The following ARHGAP15 variants were observed in gnomAD, a reference collection of about 807,000 sequenced individuals.
ARHGAP15 encodes Rho GTPase activating protein 15, also known as rho GTPase-activating protein 15.
A neutral mutation model predicts 63.7 loss-of-function variants in ARHGAP15; 51 were observed. The ratio of observed to expected loss-of-function variants is 0.80; its 90% CI spans 0.64 to 1.01. The LOEUF (loss-of-function observed/expected upper bound fraction) is 1.01, where lower values mean the gene tolerates loss of function less well. Ranked by LOEUF, ARHGAP15 falls within the 50% of genes least tolerant of loss-of-function variation. The probability of loss-of-function intolerance (pLI) is 0.00; values close to 1 mark genes in which losing one functional copy is unlikely to be tolerated. For synonymous variants in ARHGAP15, 191 were observed against 193.8 expected (o/e 0.99, Z 0.12); for missense variants, 560 against 564.6 (o/e 0.99, Z 0.08).
At chr2:143,211,294 A>G (rs958119460) in intron 3 of ARHGAP15, among the ~76,000 whole-genome samples, 2 of 146,248 alleles carry the variant, frequency 1.4e-5, no homozygotes, top group African/African-American at 5.0e-5. Flanking sequence ...AGAAAAAAGA[A>G]AGACAGATAA....
At chr2:143,498,902 A>G (rs1394911134) in intron 9 of ARHGAP15, among the ~76,000 whole-genome samples, 1 of 152,194 alleles carries the variant, frequency 6.6e-6, no homozygotes, top group African/African-American at 2.4e-5. Context: ...GTGCTCAAAG[A>G]TCCAGAACAT....
At chr2:143,251,818 A>G (rs1680171922) in intron 6 of ARHGAP15, among the ~76,000 whole-genome samples, 1 of 152,064 alleles carries the variant, frequency 6.6e-6, no homozygotes, top group Non-Finnish European at 1.5e-5. Context: ...AAAGTGACTA[A>G]AATGTGGCTT....
intron 8 of ARHGAP15, among the ~76,000 whole-genome samples, chr2:143,470,849 C>T (rs1691494865): frequency 6.7e-6 from 1 of 149,404 alleles, no homozygotes; most frequent in Non-Finnish European, 1.5e-5. Context: ...TATATACACA[C>T]ACACGTATAT....
intron 6 of ARHGAP15, among the ~76,000 whole-genome samples, chr2:143,361,616 C>G (rs146519506): frequency 2.5e-3 from 373 of 152,144 alleles, no homozygotes; most frequent in Non-Finnish European, 3.7e-3. Context: ...TACCCTCTGT[C>G]TTAATTAAAA....
intron 11 of ARHGAP15, among the ~76,000 whole-genome samples, chr2:143,590,909 T>A (rs116219408): frequency 0.026 from 3,874 of 151,588 alleles, 64 homozygotes; most frequent in Non-Finnish European, 0.041. Context: ...TTGCCGCTGC[T>A]TCAAAGACTT....
intron 11 of ARHGAP15, among the ~76,000 whole-genome samples, chr2:143,571,305 G>A (rs1696445436): frequency 6.6e-6 from 1 of 152,142 alleles, no homozygotes; most frequent in South Asian, 2.1e-4. Flanking sequence ...TACAATCTGT[G>A]AAAAAATTGT....
intron 6 of ARHGAP15, among the ~76,000 whole-genome samples, chr2:143,427,014 T>C (rs888999452): frequency 6.6e-6 from 1 of 151,502 alleles, no homozygotes; most frequent in Non-Finnish European, 1.5e-5. Flanking sequence ...TCTATAAGCA[T>C]CTAATTGTTT....
chr2:143,552,021 A>G (rs1695588534), intron 10 of ARHGAP15, among the ~76,000 whole-genome samples: 1 of 152,178 alleles, frequency 6.6e-6, no homozygotes, highest in East Asian at 1.9e-4. Flanking sequence ...AGCGTTGAGG[A>G]CAACCTGAGT....
chr2:143,578,572 T>TG (rs978441780), intron 11 of ARHGAP15, among the ~76,000 whole-genome samples: 4 of 151,990 alleles, frequency 2.6e-5, no homozygotes, highest in East Asian at 3.9e-4. Context: ...TTAAAAAAGG[T>TG]GGGGGGGTAG....
At chr2:143,624,015 A>C in intron 11 of ARHGAP15, 118 bp from the exon 12 acceptor site, 1 of 1,208,552 alleles carries the variant, frequency 8.3e-7, no homozygotes, top group Non-Finnish European at 1.2e-6. Flanking sequence ...CCAAACCTCT[A>C]GGTGCAGAAG....
chr2:143,589,140 C>G (rs1161310607), intron 11 of ARHGAP15, among the ~76,000 whole-genome samples: 2 of 152,168 alleles, frequency 1.3e-5, no homozygotes, highest in Admixed American at 1.3e-4. Flanking sequence ...ATTTCTAACC[C>G]TTAGTTTCCT....
intron 12 of ARHGAP15, among the ~76,000 whole-genome samples, chr2:143,630,547 ACTC>A (rs1699024141): frequency 1.3e-5 from 2 of 151,936 alleles, no homozygotes; most frequent in Admixed American, 1.3e-4. Context: ...TACTTTCATA[ACTC>A]TAGATAATAT....
chr2:143,752,305 A>G (rs939462733), intron 13 of ARHGAP15, among the ~76,000 whole-genome samples: 3 of 152,208 alleles, frequency 2.0e-5, no homozygotes, highest in Non-Finnish European at 4.4e-5. Flanking sequence ...TTTCTGTAGA[A>G]TATCAACGAT....
In ARHGAP15 at chr2:143,644,181, G is replaced by A. The variant is rs184513176; in HGVS notation, c.1138+19914G>A. Among the ~76,000 whole-genome samples, 5 of 152,250 alleles carry A rather than the reference G, an allele frequency of 3.3e-5. No homozygotes were observed. In the East Asian group the frequency reaches 9.7e-4, roughly 30 times the overall value. On this transcript the variant is annotated intron_variant, in intron 12 of 13. Transcript: ENST00000295095. Reference sequence around the variant, plus strand: ...CATTTTTATGTTAAGGTTTGATAGAGAACGAACAGCCATGTAGAAATGTGG... The same window carrying A: ...CATTTTTATGTTAAGGTTTGATAGAAAACGAACAGCCATGTAGAAATGTGG...
At chr2:143,235,606 G>T (rs546081713) in intron 5 of ARHGAP15, among the ~76,000 whole-genome samples, 1 of 152,284 alleles carries the variant, frequency 6.6e-6, no homozygotes, top group East Asian at 1.9e-4. Context: ...ATACTGAACA[G>T]CAGTACTAGT....
intron 12 of ARHGAP15, among the ~76,000 whole-genome samples, chr2:143,638,540 T>C (rs1391324494): frequency 4.8e-4 from 71 of 147,354 alleles, no homozygotes; most frequent in African/African-American, 1.7e-3. Context: ...TTGGGAGGTA[T>C]ACCTAATGCT....
At chr2:143,318,316 T>C (rs2105214131) in intron 6 of ARHGAP15, among the ~76,000 whole-genome samples, 1 of 152,188 alleles carries the variant, frequency 6.6e-6, no homozygotes, top group Middle Eastern at 3.4e-3. Context: ...CATAAAACTT[T>C]CACACAGTCA....
At chr2:143,160,259 C>T (rs1339013860) in intron 2 of ARHGAP15, among the ~76,000 whole-genome samples, 1 of 151,916 alleles carries the variant, frequency 6.6e-6, no homozygotes. Flanking sequence ...AAGAACAAGC[C>T]TTATGAACTG....
rs184304864 is a variant in ARHGAP15 at position 143,330,072 on chromosome 2, G to A, written c.474+79472G>A. On this transcript the variant is annotated intron_variant, in intron 6 of 13. Transcript: ENST00000295095. ...GCACCACTACACTCCAGCAGCCTGG[G>A]TGACAGAGCAAGGCTCTGTCTCAAA... 4.7e-3 allele frequency among the ~76,000 whole-genome samples: 425 copies of A among 89,902 alleles called. 4 individuals are homozygous for A. The highest frequency in any genetic ancestry group is 0.016 in the African/African-American group (392 of 23,900). 59.0% of individuals were successfully genotyped at this position (89,902 alleles called of 152,430 possible).
Sources: allele counts gnomAD v4.1 joint callset (sites outside exome capture counted in the v4.1 genomes callset), GRCh38; gene constraint gnomAD v4.1.1; transcripts MANE v1.5; gene names NCBI Gene and HGNC (gene_info 2026-07-23, HGNC 2026-07-21).